MYOF: variants seen among roughly 807,000 people sequenced by gnomAD.
The protein encoded by MYOF is myoferlin, also known as fer-1-like 3, myoferlin.
In MYOF, 244 loss-of-function variants were observed where a neutral mutation model predicts 284.2. That is an observed-to-expected ratio of 0.86 (90% CI 0.77 to 0.95). MYOF has a LOEUF of 0.95. Among genes scored for constraint, MYOF ranks in the 40% least tolerant of loss-of-function variants. The pLI is 0.00. For synonymous variants in MYOF, 904 were observed against 919.7 expected (o/e 0.98, Z 0.31); for missense variants, 2,496 against 2,560.6 (o/e 0.97, Z 0.54).
intron 1 of MYOF, among the ~76,000 whole-genome samples, chr10:93,459,516 C>A (rs928354374): frequency 6.6e-6 from 1 of 152,182 alleles, no homozygotes; most frequent in African/African-American, 2.4e-5. Context: ...AATCACACAG[C>A]TAATAAGGAA....
rs767672177 is a variant in MYOF, at chr10:93,356,754, C to T, written c.3215G>A (p.Arg1072His). 1.7e-5 allele frequency: 27 copies of T among 1,614,142 alleles called. No homozygotes were observed. The East Asian group carries it at 3.3e-4, about 20-fold the overall frequency. Reference sequence around the variant, plus strand: ...CATTTTTCTCCTCCAGCGTCTGCGGCGGAAGGTATCTGAACTACGTTGTTT... The same window carrying T: ...CATTTTTCTCCTCCAGCGTCTGCGGTGGAAGGTATCTGAACTACGTTGTTT... Reference protein sequence around the residue: ...HWKQRSSDTFRRRRWRRKMAP... With the variant: ...HWKQRSSDTFHRRRWRRKMAP... Residue 1072 changes from arginine to histidine, a missense_variant, in exon 30 of 54, where the codon CGC (arginine) becomes CAC (histidine). Arg to His is a conservative substitution (Grantham distance 29). Transcript: ENST00000359263.
rs555966947 is a variant in MYOF, at chr10:93,463,098, C to CA, written c.89-6162dup. 2.0e-3 allele frequency among the ~76,000 whole-genome samples: 307 copies of CA among 152,280 alleles called. 1 individual carries two copies. Among genetic ancestry groups the CA allele is most frequent in the African/African-American group, 6.9e-3 (288 of 41,534 alleles). ...TTTCCGATTAGCTACGCCTGCCTCT[C>CA]ACTCAGTTCTGCGGAGGTCACCACT... is the stretch of plus-strand genomic sequence containing the variant. On this transcript the variant is annotated intron_variant, in intron 1 of 53. Transcript: ENST00000359263.
chr10:93,334,853 T>C (rs997037996), intron 41 of MYOF, among the ~76,000 whole-genome samples: 1 of 152,130 alleles, frequency 6.6e-6, no homozygotes, highest in African/African-American at 2.4e-5. Flanking sequence ...ATGTGATTGC[T>C]TGGTGGGAGG....
intron 23 of MYOF, among the ~76,000 whole-genome samples, chr10:93,373,630 T>C (rs1845696849): frequency 1.3e-5 from 2 of 152,194 alleles, no homozygotes; most frequent in African/African-American, 4.8e-5. Flanking sequence ...TAGAACACTG[T>C]GAAAGTACCA....
chr10:93,374,803 A>G lies in MYOF; in HGVS notation c.2261T>C (p.Ile754Thr), dbSNP rs747600585. 5.0e-6 allele frequency: 8 copies of G among 1,614,074 alleles called. No homozygotes were observed. Among genetic ancestry groups the G allele is most frequent in the Non-Finnish European group, 5.9e-6 (7 of 1,179,996 alleles). The change falls in exon 23 of 54, where the codon ATT (isoleucine) becomes ACT (threonine). Residue 754 changes from isoleucine (I) to threonine (T), a missense_variant. Coordinates refer to ENST00000359263, the MANE Select transcript of MYOF (RefSeq NM_013451.4). ...ATDVKSTLAEIEDWLDKLMQL... is the reference protein window; with the variant it reads ...ATDVKSTLAETEDWLDKLMQL... The stretch of plus-strand genomic sequence containing the variant: ...CATTAATTTATCAAGCCAGTCCTCA[A>G]TTTCTGCCAGTGTGGACTTCACATC...
intron 17 of MYOF, among the ~76,000 whole-genome samples, chr10:93,390,187 G>A (rs926171377): frequency 2.0e-5 from 3 of 152,110 alleles, no homozygotes; most frequent in South Asian, 2.1e-4. Context: ...GTGGAGCAGC[G>A]TCATCAGAAT....
At chr10:93,372,744 A>C (rs1845647986) in intron 24 of MYOF, among the ~76,000 whole-genome samples, 186 bp downstream of exon 24, 1 of 152,222 alleles carries the variant, frequency 6.6e-6, no homozygotes, top group African/African-American at 2.4e-5. Flanking sequence ...CCTTGATTGA[A>C]AGCTGGCCAA....
intron 46 of MYOF, chr10:93,324,277 A>G (rs1842952829): frequency 6.6e-6 from 1 of 152,274 alleles, no homozygotes; most frequent in Non-Finnish European, 1.5e-5. Context: ...TCTTCAAGAA[A>G]GTTGCCAAGG....
chr10:93,315,453 C>A (rs111948247), intron 50 of MYOF, among the ~76,000 whole-genome samples: 1 of 152,152 alleles, frequency 6.6e-6, no homozygotes, highest in East Asian at 1.9e-4. Flanking sequence ...CAGAGGACTC[C>A]GGGTGCTTTC....
intron 3 of MYOF, among the ~76,000 whole-genome samples, chr10:93,443,087 G>A (rs562162714): frequency 2.3e-4 from 33 of 145,822 alleles, no homozygotes; most frequent in South Asian, 6.6e-4. Flanking sequence ...ACTTGAACCC[G>A]GAGGCGGAGG....
intron 2 of MYOF, among the ~76,000 whole-genome samples, chr10:93,454,356 C>T (rs1353873641): frequency 1.3e-5 from 2 of 152,092 alleles, no homozygotes; most frequent in African/African-American, 4.8e-5. Context: ...AATAAGATGG[C>T]TGATTCCCTG....
In MYOF at chr10:93,322,001, G is replaced by GA. The variant is rs35401583; in HGVS notation, c.5456+1076dup. Among the ~76,000 whole-genome samples, 429 of 148,070 alleles carry GA rather than the reference G, an allele frequency of 2.9e-3. 4 individuals carry two copies. Among genetic ancestry groups the GA allele is most frequent in the African/African-American group, 0.01 (408 of 40,342 alleles). ...TTACTTGAGTTTGTTTCCCTGATTT[G>GA]AAAAAAAAAAAAATAATGCTTATGA... is the stretch of plus-strand genomic sequence containing the variant. On this transcript the variant is annotated intron_variant, in intron 48 of 53. Transcript: ENST00000359263.
intron 4 of MYOF, 137 bp from the exon 5 acceptor site, chr10:93,426,295 C>T (rs564270175): frequency 5.9e-5 from 47 of 796,650 alleles, no homozygotes; most frequent in Middle Eastern, 3.7e-4. Context: ...AGGCTGGAAA[C>T]GGGGAGAGGG....
chr10:93,416,194 C>T (rs554550947), intron 5 of MYOF, among the ~76,000 whole-genome samples: 1 of 152,328 alleles, frequency 6.6e-6, no homozygotes, highest in Non-Finnish European at 1.5e-5. Flanking sequence ...GCTGCTCATC[C>T]TGGCATTCGC....
At chr10:93,344,533 A>G (rs1844084548) in intron 37 of MYOF, among the ~76,000 whole-genome samples, 1 of 152,060 alleles carries the variant, frequency 6.6e-6, no homozygotes, top group Non-Finnish European at 1.5e-5. Flanking sequence ...TCTTTTCTTG[A>G]AGTTTGTTCC....
chr10:93,376,077 A>G (rs1845820756), intron 22 of MYOF, among the ~76,000 whole-genome samples: 2 of 152,252 alleles, frequency 1.3e-5, no homozygotes, highest in African/African-American at 2.4e-5. Flanking sequence ...TTCCTGTTAC[A>G]TAAAGTTTAG....
chr10:93,420,875 G>A (rs1749510056), intron 5 of MYOF, among the ~76,000 whole-genome samples: 2 of 152,198 alleles, frequency 1.3e-5, no homozygotes, highest in Admixed American at 1.3e-4. Flanking sequence ...AGAAGAAGCA[G>A]ACATTACTTT....
intron 36 of MYOF, 51 bp downstream of exon 36, chr10:93,349,757 T>C: frequency 6.3e-7 from 1 of 1,588,164 alleles, no homozygotes; most frequent in East Asian, 2.3e-5. Flanking sequence ...GTGAGGCACA[T>C]ACTTTCATAT....
intron 1 of MYOF, among the ~76,000 whole-genome samples, chr10:93,460,377 G>GTTCA (rs1239520595): frequency 6.6e-6 from 1 of 152,202 alleles, no homozygotes; most frequent in African/African-American, 2.4e-5. Flanking sequence ...AGATTCATTT[G>GTTCA]TTCATTCATT....
Sources: gnomAD v4.1 joint callset for allele counts (sites outside exome capture counted in the v4.1 genomes callset) on GRCh38, gnomAD v4.1.1 for gene constraint, MANE v1.5 for transcripts, NCBI Gene and HGNC (gene_info 2026-07-23, HGNC 2026-07-21) for gene names.